PTPRN2: variants seen among roughly 807,000 people sequenced by gnomAD.
The protein encoded by PTPRN2 is receptor-type tyrosine-protein phosphatase N2.
A neutral mutation model predicts 118.8 loss-of-function variants in PTPRN2; 74 were observed. The ratio of observed to expected loss-of-function variants is 0.62; its 90% CI spans 0.52 to 0.76. The LOEUF is 0.76. PTPRN2 is among the 30% of genes least tolerant of loss of function. The pLI, the probability that PTPRN2 is intolerant of heterozygous loss-of-function variation, is 0.00. For missense variants in PTPRN2, 1,481 were observed against 1,394.4 expected (o/e 1.06, Z -0.99); for synonymous variants, 641 against 608.0 (o/e 1.05, Z -0.80).
intron 11 of PTPRN2, among the ~76,000 whole-genome samples, chr7:157,906,145 G>A (rs1335109361): frequency 1.3e-5 from 2 of 152,194 alleles, no homozygotes; most frequent in African/African-American, 4.8e-5. Flanking sequence ...GTGCCCAGCC[G>A]AGGGCTTTCC....
At chr7:158,332,798 G>T (rs1198317469) in intron 2 of PTPRN2, among the ~76,000 whole-genome samples, 1 of 150,240 alleles carries the variant, frequency 6.7e-6, no homozygotes, top group Admixed American at 6.6e-5. Context: ...GCTGATGCCT[G>T]CAGACGTCAC....
intron 11 of PTPRN2, among the ~76,000 whole-genome samples, chr7:157,949,802 C>A (rs1397820077): frequency 6.6e-6 from 1 of 152,210 alleles, no homozygotes; most frequent in Non-Finnish European, 1.5e-5. Flanking sequence ...AGCACTGTGA[C>A]TGGAGAGGGC....
intron 11 of PTPRN2, among the ~76,000 whole-genome samples, chr7:157,972,027 A>C (rs1287762258): frequency 6.6e-6 from 1 of 152,252 alleles, no homozygotes. Context: ...ACCTTTTACC[A>C]CTTAAGGTAA....
chr7:158,485,923 C>T (rs533584972), intron 2 of PTPRN2, among the ~76,000 whole-genome samples: 2 of 152,292 alleles, frequency 1.3e-5, no homozygotes, highest in Admixed American at 6.5e-5. Context: ...TTTCTCCCAC[C>T]TGCATTTTCC....
At chr7:157,783,487 A>G (rs981706783) in intron 12 of PTPRN2, among the ~76,000 whole-genome samples, 5 of 149,416 alleles carry the variant, frequency 3.3e-5, no homozygotes, top group South Asian at 2.2e-4. Context: ...ACAGCCCACA[A>G]TCCTGAACAT....
At chr7:157,648,717 G>C (rs960285320) in intron 14 of PTPRN2, among the ~76,000 whole-genome samples, 1 of 147,292 alleles carries the variant, frequency 6.8e-6, no homozygotes, top group Non-Finnish European at 1.5e-5. Flanking sequence ...CATTCACTGT[G>C]CACTGAACTC....
At chr7:157,776,538 T>C (rs1803287015) in intron 12 of PTPRN2, among the ~76,000 whole-genome samples, 2 of 17,606 alleles carry the variant, frequency 1.1e-4, no homozygotes, top group Admixed American at 5.2e-4. Flanking sequence ...CTCTCTCTCC[T>C]TCTCCCTCTC....
At position 158,167,071 on chromosome 7, in the gene PTPRN2, G is replaced by A. The variant is rs724159887; in HGVS notation, c.770C>T (p.Pro257Leu). 13 of 1,596,204 alleles carry A rather than the reference G, an allele frequency of 8.1e-6. No homozygotes were observed. The highest frequency in any genetic ancestry group is 1.1e-5 in the South Asian group (1 of 89,404). ...TGGCTCCAGGCTGCCCTCCCCGGGGGGAGCTGGGGGCCTCTGGGCAGCATA... is the reference window on the plus strand; with the variant it reads ...TGGCTCCAGGCTGCCCTCCCCGGGGAGAGCTGGGGGCCTCTGGGCAGCATA... ...SAYAAQRPPAPPGEGSLEPQY... is the reference protein window; with the variant it reads ...SAYAAQRPPALPGEGSLEPQY... Residue 257 changes from proline to leucine, a missense_variant, in exon 6 of 23, where the codon CCC becomes CTC. Pro to Leu is a moderately conservative substitution (Grantham distance 98). Coordinates refer to ENST00000389418, the MANE Select transcript of PTPRN2 (RefSeq NM_002847.5).
At chr7:158,282,943 C>G (rs114801416) in intron 3 of PTPRN2, among the ~76,000 whole-genome samples, 1 of 151,424 alleles carries the variant, frequency 6.6e-6, no homozygotes, top group South Asian at 2.1e-4. Flanking sequence ...GGTGGTCCCT[C>G]CTCGTGCTCC....
At chr7:157,877,485 G>C (rs1055388187) in intron 12 of PTPRN2, among the ~76,000 whole-genome samples, 1 of 151,746 alleles carries the variant, frequency 6.6e-6, no homozygotes, top group Non-Finnish European at 1.5e-5. Flanking sequence ...GCAGCGCCAG[G>C]GTTTCCTCGG....
intron 5 of PTPRN2, among the ~76,000 whole-genome samples, chr7:158,168,648 G>T (rs1449645713): frequency 6.6e-6 from 1 of 152,076 alleles, no homozygotes; most frequent in Non-Finnish European, 1.5e-5. Context: ...AAGATGCCAG[G>T]GTCTCTTGTT....
intron 11 of PTPRN2, among the ~76,000 whole-genome samples, chr7:157,915,572 T>C (rs1798351996): frequency 6.6e-6 from 1 of 152,070 alleles, no homozygotes; most frequent in African/African-American, 2.4e-5. Flanking sequence ...CCTGCAGTCA[T>C]GGTTCTTGGG....
intron 11 of PTPRN2, among the ~76,000 whole-genome samples, chr7:157,961,280 C>A (rs868275754): frequency 9.2e-5 from 14 of 152,034 alleles, no homozygotes; most frequent in African/African-American, 3.4e-4. Flanking sequence ...GCCTGTAATC[C>A]CAGCACGTCG....
Position 157,729,123 on chromosome 7 carries a change from G to A in PTPRN2, c.1789-46186C>T, listed in dbSNP as rs76848943. 0.013 allele frequency among the ~76,000 whole-genome samples: 2,046 copies of A among 152,006 alleles called. 84 individuals carry two copies. The South Asian group carries it at 0.14, about 10-fold the overall frequency. On this transcript the variant is annotated intron_variant, in intron 12 of 22. Transcript: ENST00000389418. The surrounding 1 kb of genome is among the most constrained non-coding windows in gnomAD (Gnocchi z 4.3). The stretch of plus-strand genomic sequence containing the variant: ...AGAAAAGATGCAGAAGTTGATAATT[G>A]CTTTGATATACCCATCTCTGTTTTT...
chr7:157,756,918 T>C (rs1801814436), intron 12 of PTPRN2, among the ~76,000 whole-genome samples: 1 of 151,984 alleles, frequency 6.6e-6, no homozygotes, highest in African/African-American at 2.4e-5. Context: ...CTTAAGCACA[T>C]GAAGAAGAAA....
chr7:158,250,335 T>A lies in PTPRN2; in HGVS notation c.278-45062A>T, dbSNP rs542599367. Reference sequence around the variant, plus strand: ...TGCATAATTTTCAGATTCTTTCTAATGCATATAGGTTATTTATTGTTATAC... The same window carrying A: ...TGCATAATTTTCAGATTCTTTCTAAAGCATATAGGTTATTTATTGTTATAC... On this transcript the variant is annotated intron_variant, in intron 3 of 22. Coordinates refer to ENST00000389418, the MANE Select transcript of PTPRN2 (RefSeq NM_002847.5). Among the ~76,000 whole-genome samples, 7 of 152,298 alleles carry A rather than the reference T, an allele frequency of 4.6e-5. No homozygotes were observed. The South Asian group carries it at 1.5e-3, about 32-fold the overall frequency.
chr7:158,569,633 C>T (rs1257211543), intron 1 of PTPRN2, among the ~76,000 whole-genome samples: 1 of 152,054 alleles, frequency 6.6e-6, no homozygotes, highest in Non-Finnish European at 1.5e-5. Flanking sequence ...GGGCACAAGG[C>T]TGCCCAACAA....
chr7:158,450,827 T>C (rs1209385846), intron 2 of PTPRN2, among the ~76,000 whole-genome samples: 2 of 152,240 alleles, frequency 1.3e-5, no homozygotes, highest in Non-Finnish European at 2.9e-5. Flanking sequence ...CGCATCTCCC[T>C]GACCAGGCGT....
intron 1 of PTPRN2, among the ~76,000 whole-genome samples, chr7:158,541,267 T>C (rs1485947971): frequency 6.6e-6 from 1 of 152,224 alleles, no homozygotes; most frequent in Non-Finnish European, 1.5e-5. Context: ...AGGGCTTTGA[T>C]CATCAGCACG....
Sources: gnomAD v4.1 joint callset for allele counts (sites outside exome capture counted in the v4.1 genomes callset) on GRCh38, gnomAD v4.1.1 for gene constraint, Gnocchi (gnomAD v3.1) non-coding constraint, MANE v1.5 for transcripts, NCBI Gene and HGNC (gene_info 2026-07-23, HGNC 2026-07-21) for gene names.